CFH: variants seen among roughly 807,000 people sequenced by gnomAD.
CFH encodes the protein complement factor H.
In CFH, 53 loss-of-function variants were observed where a neutral mutation model predicts 147.3. The ratio of observed to expected loss-of-function variants is 0.36; its 90% confidence interval spans 0.29 to 0.45. The LOEUF is 0.45. Ranked by LOEUF, CFH falls within the 20% of genes least tolerant of loss-of-function variation. The pLI is 1.00. For missense variants in CFH, 1,380 were observed against 1,498.0 expected, an observed-to-expected ratio of 0.92 and a Z score of 1.30; for synonymous variants, 536 against 489.4, an observed-to-expected ratio of 1.10 and a Z score of -1.26.
chr1:196,702,620 C>A (rs1668488109), intron 9 of CFH, among the ~76,000 whole-genome samples: 1 of 151,350 alleles, frequency 6.6e-6, no homozygotes, highest in African/African-American at 2.4e-5. Flanking sequence ...CCAATTTGCT[C>A]AATATTTTGT....
Position 196,725,248 on chromosome 1 carries a change from C to T in CFH, c.1824C>T (p.Ser608=), listed in dbSNP as rs200141451. Residue 608 remains serine, a synonymous_variant, in exon 12 of 22, where the codon TCC becomes TCT. Coordinates refer to ENST00000367429, the MANE Select transcript of CFH (RefSeq NM_000186.4). ...KPGFTIVGPN[S]VQCYHFGLSP... ...GATTTACAATAGTTGGACCTAATTC[C>T]GTTCAGTGCTACCACTTTGGATTGT... 1.1e-4 allele frequency: 175 copies of T among 1,613,886 alleles called. No individual in the cohort carries two copies. Among genetic ancestry groups the T allele is most frequent in the Non-Finnish European group, 1.4e-4 (164 of 1,179,884 alleles).
intron 9 of CFH, among the ~76,000 whole-genome samples, chr1:196,702,638 A>G (rs1211777717): frequency 6.6e-6 from 1 of 152,096 alleles, no homozygotes; most frequent in East Asian, 1.9e-4. Context: ...TGTTGACTTC[A>G]GAGAAACAAA....
chr1:196,742,805 T>C (rs1004158807), intron 19 of CFH, among the ~76,000 whole-genome samples: 1 of 152,220 alleles, frequency 6.6e-6, no homozygotes, highest in African/African-American at 2.4e-5. Flanking sequence ...CTGATGAATT[T>C]TGCATTGTTC....
intron 1 of CFH, among the ~76,000 whole-genome samples, chr1:196,671,743 T>C (rs545048361): frequency 2.7e-5 from 4 of 145,958 alleles, no homozygotes; most frequent in African/African-American, 7.3e-5. Flanking sequence ...ACATATATAT[T>C]ATGTATGTGA....
chr1:196,704,617 C>T lies in CFH; in HGVS notation c.1337-9118C>T, dbSNP rs1195503544. Among the ~76,000 whole-genome samples, 2 of 152,186 alleles carry T rather than the reference C, an allele frequency of 1.3e-5. 1 individual carries two copies. The highest frequency in any genetic ancestry group is 2.9e-5 in the Non-Finnish European group (2 of 68,036). On this transcript the variant is annotated intron_variant, in intron 9 of 21. Transcript: ENST00000367429. ...AGGCCAGGGAAAACAAAAACTGCATCTCCAGTACAAGTCAAGTTTTGTGCA... is the reference window on the plus strand; with the variant it reads ...AGGCCAGGGAAAACAAAAACTGCATTTCCAGTACAAGTCAAGTTTTGTGCA...
chr1:196,740,935 T>G, intron 18 of CFH, 143 bp downstream of exon 18: 2 of 833,536 alleles, frequency 2.4e-6, no homozygotes, highest in Non-Finnish European at 3.9e-6. Context: ...AAATTATAGC[T>G]GTAGTAATTA....
intron 5 of CFH, chr1:196,678,955 G>C (rs181364258): frequency 6.6e-6 from 1 of 152,220 alleles, no homozygotes; most frequent in Non-Finnish European, 1.5e-5. Flanking sequence ...ATTGATTTGG[G>C]AATCAATGAA....
chr1:196,710,019 A>C (rs544129850), intron 9 of CFH, among the ~76,000 whole-genome samples: 5 of 132,800 alleles, frequency 3.8e-5, no homozygotes, highest in Admixed American at 2.5e-4. Flanking sequence ...TCAAAAACAA[A>C]ACACACACAC....
rs1349484433 is a variant in CFH at position 196,741,792 on chromosome 1, G to A, written c.2957-83G>A. 3.2e-6 allele frequency: 4 copies of A among 1,256,910 alleles called. No homozygotes were observed. The South Asian group carries it at 3.7e-5, about 12-fold the overall frequency. The allele number at this position is 1,256,910 out of a possible 1,614,324, so 77.9% of individuals were successfully genotyped here. Reference sequence around the variant, plus strand: ...ACAGTATTCATTGATTCTATATATCGCTATTTTAGAATCCATTACATGTAT... The same window carrying A: ...ACAGTATTCATTGATTCTATATATCACTATTTTAGAATCCATTACATGTAT... On this transcript the variant is annotated intron_variant, in intron 18 of 21. Coordinates refer to ENST00000367429, the MANE Select transcript of CFH (RefSeq NM_000186.4).
chr1:196,742,737 C>T (rs147696131), intron 19 of CFH, among the ~76,000 whole-genome samples: 284 of 152,324 alleles, frequency 1.9e-3, no homozygotes, highest in African/African-American at 6.6e-3. Context: ...ATTCTATTTA[C>T]ACTTCCGAGT....
intron 12 of CFH, among the ~76,000 whole-genome samples, chr1:196,725,580 T>G (rs777875945): frequency 6.6e-6 from 1 of 152,218 alleles, no homozygotes; most frequent in African/African-American, 2.4e-5. Context: ...TAACTGAGTC[T>G]GGATGATTTG....
At chr1:196,700,711 C>A in intron 9 of CFH, 1 of 383,710 alleles carries the variant, frequency 2.6e-6, no homozygotes, top group Non-Finnish European at 3.6e-6. Context: ...TCCTTGCAGT[C>A]ATTTACCTAC....
At chr1:196,701,018 A>G (rs1668434011) in intron 9 of CFH, among the ~76,000 whole-genome samples, 1 of 152,122 alleles carries the variant, frequency 6.6e-6, no homozygotes, top group South Asian at 2.1e-4. Context: ...CTAGGTAGGA[A>G]CTTATTTGAG....
At chr1:196,663,951 C>A (rs1051755014) in intron 1 of CFH, among the ~76,000 whole-genome samples, 2 of 152,146 alleles carry the variant, frequency 1.3e-5, no homozygotes, top group African/African-American at 4.8e-5. Context: ...GCCTGTTTTC[C>A]TTTCTGGGTT....
intron 9 of CFH, among the ~76,000 whole-genome samples, chr1:196,695,492 CT>C (rs35835451): frequency 1.4e-4 from 21 of 151,974 alleles, no homozygotes; most frequent in Non-Finnish European, 2.6e-4. Context: ...TAGATGGGAC[CT>C]TTTTTTGGTT....
intron 10 of CFH, among the ~76,000 whole-genome samples, chr1:196,715,164 G>GT (rs1391784624): frequency 1.3e-5 from 2 of 151,438 alleles, no homozygotes; most frequent in African/African-American, 4.8e-5. Context: ...AAAATGTCTT[G>GT]TATAACATAG....
rs1054967212 is a variant in CFH at position 196,730,355 on chromosome 1, T to G, written c.2413+1833T>G. ...TTGACCCTATGATTGTTTCAGAGCATATTGTCTAATTTTCACCTAATTTAA... is the reference window on the plus strand; with the variant it reads ...TTGACCCTATGATTGTTTCAGAGCAGATTGTCTAATTTTCACCTAATTTAA... On this transcript the variant is annotated intron_variant, in intron 15 of 21. Coordinates refer to ENST00000367429, the MANE Select transcript of CFH (RefSeq NM_000186.4). Among the ~76,000 whole-genome samples the G allele has an allele frequency of 4.6e-5, 7 of 151,928 alleles. 1 individual carries two copies. Among genetic ancestry groups the G allele is most frequent in the African/African-American group, 1.7e-4 (7 of 41,438 alleles).
At chr1:196,713,157 A>G (rs1668763933) in intron 9 of CFH, among the ~76,000 whole-genome samples, 1 of 152,164 alleles carries the variant, frequency 6.6e-6, no homozygotes, top group Non-Finnish European at 1.5e-5. Flanking sequence ...TAAGTTCTAC[A>G]TAATTTGAGG....
Position 196,685,081 on chromosome 1 carries a change from C to A in CFH, c.808C>A (p.Pro270Thr). The change falls in exon 7 of 22, where the codon CCT becomes ACT. Residue 270 changes from proline to threonine, a missense_variant. Coordinates refer to ENST00000367429, the MANE Select transcript of CFH (RefSeq NM_000186.4). ...CTTTTCAGAAAAATCATGTGATAAT[C>A]CTTATATTCCAAATGGTGACTACTC... Reference protein sequence around the residue: ...PSCEEKSCDNPYIPNGDYSPL... With the variant: ...PSCEEKSCDNTYIPNGDYSPL... 6.2e-7 allele frequency: 1 copy of A among 1,609,566 alleles called. No homozygotes were observed. Among genetic ancestry groups the A allele is most frequent in the Non-Finnish European group, 8.5e-7 (1 of 1,176,330 alleles).
Sources: gnomAD v4.1 joint callset for allele counts (sites outside exome capture counted in the v4.1 genomes callset) on GRCh38, gnomAD v4.1.1 for gene constraint, MANE v1.5 for transcripts, NCBI Gene and HGNC (gene_info 2026-07-23, HGNC 2026-07-21) for gene names.